Variants in MGAT4C observed in about 807,000 individuals in gnomAD.
MGAT4C encodes the protein alpha-1,3-mannosyl-glycoprotein 4-beta-N-acetylglucosaminyltransferase C.
Under a neutral mutation model 40.1 loss-of-function variants are expected in MGAT4C, and 19 were observed. That is an observed-to-expected ratio of 0.47 (90% CI 0.33 to 0.70). The LOEUF (loss-of-function observed/expected upper bound fraction) is 0.70, where lower values mean the gene tolerates loss of function less well. MGAT4C is among the 30% of genes least tolerant of loss of function. MGAT4C has a pLI of 0.02. For missense variants in MGAT4C, 491 were observed against 563.2 expected (o/e 0.87, Z 1.30); for synonymous variants, 181 against 187.1 (o/e 0.97, Z 0.27).
At chr12:86,430,375 C>T (rs1313311581) in intron 3 of MGAT4C, among the ~76,000 whole-genome samples, 2 of 149,870 alleles carry the variant, frequency 1.3e-5, no homozygotes, top group Non-Finnish European at 3.0e-5. Context: ...GGGAATAGTC[C>T]CCTCTTGGCC....
intron 4 of MGAT4C, among the ~76,000 whole-genome samples, chr12:86,323,583 G>A (rs943177392): frequency 6.6e-6 from 1 of 151,714 alleles, no homozygotes; most frequent in Admixed American, 6.6e-5. Context: ...AATCTCATAG[G>A]TGTTCTGTTT....
intron 1 of MGAT4C, among the ~76,000 whole-genome samples, chr12:86,075,232 G>A (rs1869453515): frequency 6.6e-6 from 1 of 152,054 alleles, no homozygotes; most frequent in Non-Finnish European, 1.5e-5. Flanking sequence ...AACGCCAAGG[G>A]GTTACAGGAC....
chr12:86,137,830 G>A (rs1428128013), intron 1 of MGAT4C, among the ~76,000 whole-genome samples: 1 of 152,160 alleles, frequency 6.6e-6, no homozygotes, highest in Non-Finnish European at 1.5e-5. Context: ...AGAACAGACA[G>A]TACGTGGGAG....
intron 1 of MGAT4C, among the ~76,000 whole-genome samples, chr12:86,210,190 G>GT (rs983286167): frequency 7.9e-5 from 12 of 152,188 alleles, no homozygotes; most frequent in African/African-American, 2.6e-4. Context: ...ACATATAGTA[G>GT]TTTTTTTCAA....
intron 1 of MGAT4C, among the ~76,000 whole-genome samples, chr12:86,738,898 A>G (rs1249179796): frequency 1.3e-5 from 2 of 151,004 alleles, no homozygotes; most frequent in Non-Finnish European, 3.0e-5. Context: ...TATGGTGTCC[A>G]TGCTATTACT....
intron 2 of MGAT4C, among the ~76,000 whole-genome samples, chr12:86,589,156 CA>C (rs1961208635): frequency 6.6e-6 from 1 of 151,664 alleles, no homozygotes; most frequent in Non-Finnish European, 1.5e-5. Flanking sequence ...AGACCGCTGG[CA>C]AGACTAATAA....
At chr12:86,345,249 T>G (rs61950731) in intron 3 of MGAT4C, among the ~76,000 whole-genome samples, 12,872 of 151,710 alleles carry the variant, frequency 0.085, 758 homozygotes, top group Middle Eastern at 0.22. Flanking sequence ...CACTTTCTTA[T>G]TTATTTATTT....
intron 1 of MGAT4C, among the ~76,000 whole-genome samples, chr12:86,067,899 T>A (rs1383775464): frequency 1.3e-5 from 2 of 151,922 alleles, no homozygotes; most frequent in Admixed American, 6.6e-5. Context: ...AGAGCAAGAG[T>A]TGGAGCAGAA....
At chr12:86,274,861 C>T (rs79627821) in intron 4 of MGAT4C, among the ~76,000 whole-genome samples, 1,585 of 152,244 alleles carry the variant, frequency 0.01, 17 homozygotes, top group East Asian at 0.048. Context: ...TAACACCATT[C>T]TGTGAAAGGA....
upstream of MGAT4C, among the ~76,000 whole-genome samples, chr12:86,259,436 TA>T (rs1229759021): frequency 3.3e-5 from 5 of 151,710 alleles, no homozygotes; most frequent in Non-Finnish European, 7.4e-5. Flanking sequence ...TTACAAAATG[TA>T]AAAAAAATTC....
intron 2 of MGAT4C, among the ~76,000 whole-genome samples, chr12:86,507,635 G>T (rs1958493808): frequency 6.6e-6 from 1 of 152,134 alleles, no homozygotes; most frequent in South Asian, 2.1e-4. Flanking sequence ...GAAAGCATTG[G>T]TGAGCAAGAA....
At chr12:86,769,486 A>G (rs890222604) in intron 1 of MGAT4C, among the ~76,000 whole-genome samples, 2 of 152,186 alleles carry the variant, frequency 1.3e-5, no homozygotes, top group African/African-American at 4.8e-5. Context: ...AACTAGAAAT[A>G]CCATTTGACC....
At chr12:86,420,863 GTATA>G (rs141090815) in intron 3 of MGAT4C, among the ~76,000 whole-genome samples, 2 of 144,552 alleles carry the variant, frequency 1.4e-5, no homozygotes, top group Admixed American at 6.9e-5. Flanking sequence ...ATATATATGT[GTATA>G]TATATACATA....
chr12:86,607,204 C>T (rs1349741077), intron 2 of MGAT4C, among the ~76,000 whole-genome samples: 1 of 151,938 alleles, frequency 6.6e-6, no homozygotes, highest in African/African-American at 2.4e-5. Context: ...AAAATTCCTA[C>T]CACTCATAAT....
At chr12:86,568,545 C>CACATATAT (rs1555205559) in intron 2 of MGAT4C, among the ~76,000 whole-genome samples, 1 of 138,730 alleles carries the variant, frequency 7.2e-6, no homozygotes, top group African/African-American at 2.7e-5. Context: ...AACTCCCCTT[C>CACATATAT]ATATATATAT....
At position 86,080,790 on chromosome 12, in the gene MGAT4C, T is replaced by A. The variant is rs116136896; in HGVS notation, c.-56-31067A>T. Among the ~76,000 whole-genome samples the A allele has an allele frequency of 2.2e-3, 340 of 152,306 alleles. 3 individuals carry two copies. The highest frequency in any genetic ancestry group is 0.01 in the Middle Eastern group (3 of 294). On this transcript the variant is annotated intron_variant, in intron 1 of 4. Transcript: ENST00000611864. ...GGAAGGATATATTCAAATCAATATGTTACCCCATGAAGTTATCTTCCCAGC... is the reference window on the plus strand; with the variant it reads ...GGAAGGATATATTCAAATCAATATGATACCCCATGAAGTTATCTTCCCAGC...
intron 2 of MGAT4C, among the ~76,000 whole-genome samples, chr12:86,492,523 C>T (rs2136324650): frequency 6.6e-6 from 1 of 152,224 alleles, no homozygotes; most frequent in Admixed American, 6.6e-5. Flanking sequence ...TTTGACAAAC[C>T]TGAGAAAAAC....
intron 2 of MGAT4C, among the ~76,000 whole-genome samples, chr12:86,626,214 G>A (rs934667460): frequency 6.6e-6 from 1 of 151,968 alleles, no homozygotes; most frequent in African/African-American, 2.4e-5. Flanking sequence ...TTTCTAGCTA[G>A]GAATATAAAA....
intron 4 of MGAT4C, among the ~76,000 whole-genome samples, chr12:85,981,922 G>A (rs1884644793): frequency 6.6e-6 from 1 of 152,066 alleles, no homozygotes; most frequent in African/African-American, 2.4e-5. Flanking sequence ...CAAAGGTGGT[G>A]TAACAGAGAT....
Sources: allele counts gnomAD v4.1 joint callset (sites outside exome capture counted in the v4.1 genomes callset), GRCh38; gene constraint gnomAD v4.1.1; transcripts MANE v1.5; gene names NCBI Gene and HGNC (gene_info 2026-07-23, HGNC 2026-07-21).